PDZD2: variants seen among roughly 807,000 people sequenced by gnomAD.
PDZD2 encodes PDZ domain-containing protein 2.
A neutral mutation model predicts 220.7 loss-of-function variants in PDZD2; 90 were observed. The ratio of observed to expected loss-of-function variants is 0.41; its 90% confidence interval spans 0.34 to 0.49. The LOEUF (loss-of-function observed/expected upper bound fraction) is 0.49. Among genes scored for constraint, PDZD2 ranks in the 20% least tolerant of loss-of-function variants. PDZD2 has a pLI of 0.28. For missense variants in PDZD2, 3,174 were observed against 3,608.5 expected, an observed-to-expected ratio of 0.88 and a Z score of 3.08; for synonymous variants, 1,375 against 1,450.5, an observed-to-expected ratio of 0.95 and a Z score of 1.18.
At chr5:32,101,800 T>C (rs960235403) in intron 24 of PDZD2, among the ~76,000 whole-genome samples, 1 of 152,372 alleles carries the variant, frequency 6.6e-6, no homozygotes, top group East Asian at 1.9e-4. Flanking sequence ...CTTTATCAAC[T>C]TGCATAATTC....
intron 2 of PDZD2, chr5:31,822,813 A>G (rs1755965216): frequency 8.1e-6 from 7 of 865,536 alleles, no homozygotes; most frequent in Non-Finnish European, 1.3e-5. Context: ...CAGAAGACCA[A>G]TTCTCCTGGA....
chr5:31,640,622 C>A (rs1476407501), intron 1 of PDZD2, among the ~76,000 whole-genome samples: 2 of 152,026 alleles, frequency 1.3e-5, no homozygotes, highest in African/African-American at 2.4e-5. Flanking sequence ...GCTTTAGGGG[C>A]CTGGCATCTC....
intron 1 of PDZD2, among the ~76,000 whole-genome samples, chr5:31,798,337 G>A (rs1754165521): frequency 6.6e-6 from 1 of 152,188 alleles, no homozygotes; most frequent in South Asian, 2.1e-4. Flanking sequence ...TGAATCTACA[G>A]GATGGCGAAG....
chr5:31,849,579 C>T (rs1420957884), intron 2 of PDZD2, among the ~76,000 whole-genome samples: 1 of 152,030 alleles, frequency 6.6e-6, no homozygotes, highest in Non-Finnish European at 1.5e-5. Context: ...CGAGGTGGCT[C>T]ACGCCTGTAA....
intron 7 of PDZD2, among the ~76,000 whole-genome samples, chr5:32,045,656 T>G (rs553290520): frequency 7.9e-5 from 12 of 151,752 alleles, no homozygotes; most frequent in Non-Finnish European, 1.2e-4. Context: ...CTCGATCTCA[T>G]GACCTTGTGA....
chr5:31,871,134 A>G (rs1738755303), intron 2 of PDZD2, among the ~76,000 whole-genome samples: 1 of 152,172 alleles, frequency 6.6e-6, no homozygotes, highest in South Asian at 2.1e-4. Context: ...CATGTATATA[A>G]TATACAAGTG....
chr5:32,034,507 C>T lies in PDZD2; in HGVS notation c.1408-2724C>T, dbSNP rs141189896. Among the ~76,000 whole-genome samples the T allele has an allele frequency of 6.9e-3, 1,045 of 152,044 alleles. 16 individuals carry two copies. Among genetic ancestry groups the T allele is most frequent in the African/African-American group, 0.024 (1,001 of 41,464 alleles). On this transcript the variant is annotated intron_variant, in intron 6 of 24. Coordinates refer to ENST00000438447, the MANE Select transcript of PDZD2 (RefSeq NM_178140.4). ...CAGAGTAGCTGGGATTATACAGGCA[C>T]GTGCCACTATGCACAGCTAATTTTT...
At chr5:31,932,552 AAAAGAAAG>A (rs139660975) in intron 2 of PDZD2, among the ~76,000 whole-genome samples, 116,373 of 151,222 alleles carry the variant, frequency 0.77, 44,868 homozygotes, top group Middle Eastern at 0.85. Context: ...CTGCCTCAAA[AAAAGAAAG>A]AAAGAAAGAA....
rs575410341 is a variant in PDZD2 at position 32,001,847 on chromosome 5, G to A, written c.1254+1576G>A. Among the ~76,000 whole-genome samples, 11 of 152,284 alleles carry A rather than the reference G, an allele frequency of 7.2e-5. No individual in the cohort carries two copies. In the South Asian group the frequency reaches 1.5e-3, roughly 20 times the overall value. The stretch of plus-strand genomic sequence containing the variant: ...CTCTCGTGTGTCTTAGCTGTAGGCC[G>A]ATGTGCTGTTGATGAGACTAGGGCA... On this transcript the variant is annotated intron_variant, in intron 5 of 24. Coordinates refer to ENST00000438447, the MANE Select transcript of PDZD2 (RefSeq NM_178140.4).
chr5:31,797,418 T>C (rs1299419078), intron 1 of PDZD2, among the ~76,000 whole-genome samples: 1 of 152,078 alleles, frequency 6.6e-6, no homozygotes, highest in Non-Finnish European at 1.5e-5. Context: ...AATAAGACAG[T>C]GATCAGCCTG....
At chr5:31,758,851 T>C (rs1389329288) in intron 1 of PDZD2, among the ~76,000 whole-genome samples, 1 of 152,164 alleles carries the variant, frequency 6.6e-6, no homozygotes, top group Non-Finnish European at 1.5e-5. Flanking sequence ...TGGCCTCTGC[T>C]TTGAAAGCAA....
At chr5:32,029,110 A>C (rs943148257) in intron 6 of PDZD2, among the ~76,000 whole-genome samples, 2 of 152,290 alleles carry the variant, frequency 1.3e-5, no homozygotes, top group Non-Finnish European at 2.9e-5. Flanking sequence ...AGCTCCAAGA[A>C]GACTGAATTC....
At chr5:32,072,693 T>C (rs1378008398) in intron 17 of PDZD2, among the ~76,000 whole-genome samples, 2 of 152,178 alleles carry the variant, frequency 1.3e-5, no homozygotes, top group Non-Finnish European at 2.9e-5. Context: ...ATCGCACCAT[T>C]AGACAATGCT....
At chr5:31,957,316 C>A (rs571692977) in intron 2 of PDZD2, among the ~76,000 whole-genome samples, 1 of 152,178 alleles carries the variant, frequency 6.6e-6, no homozygotes, top group Non-Finnish European at 1.5e-5. Flanking sequence ...TCGCCAGTCA[C>A]GCAGTGGTTC....
chr5:32,047,325 C>A (rs991922498), intron 7 of PDZD2, among the ~76,000 whole-genome samples: 1 of 152,160 alleles, frequency 6.6e-6, no homozygotes, highest in Admixed American at 6.5e-5. Flanking sequence ...TCTAGAACTT[C>A]CCTGTGCTGG....
intron 1 of PDZD2, among the ~76,000 whole-genome samples, chr5:31,672,010 G>A (rs981139656): frequency 1.8e-4 from 27 of 152,172 alleles, no homozygotes; most frequent in African/African-American, 6.3e-4. Context: ...GATAATTGTT[G>A]TGGGAGCTGC....
intron 2 of PDZD2, chr5:31,854,988 A>G (rs1463826287): frequency 5.1e-6 from 5 of 985,306 alleles, no homozygotes; most frequent in African/African-American, 3.5e-5. Context: ...GCCGCGTTCC[A>G]GGAGGGCAGC....
intron 24 of PDZD2, among the ~76,000 whole-genome samples, chr5:32,105,773 A>G (rs978824688): frequency 6.6e-6 from 1 of 152,248 alleles, no homozygotes; most frequent in Non-Finnish European, 1.5e-5. Flanking sequence ...TAAAAAATCT[A>G]TGAGTAAATG....
intron 2 of PDZD2, among the ~76,000 whole-genome samples, chr5:31,861,500 T>TA (rs1737702897): frequency 6.6e-6 from 1 of 152,218 alleles, no homozygotes; most frequent in Admixed American, 6.5e-5. Context: ...AATTTTATTC[T>TA]TTCTTCCAAC....
Sources: gnomAD v4.1 joint callset for allele counts (sites outside exome capture counted in the v4.1 genomes callset) on GRCh38, gnomAD v4.1.1 for gene constraint, MANE v1.5 for transcripts, NCBI Gene and HGNC (gene_info 2026-07-23, HGNC 2026-07-21) for gene names.